Variants in INHBE observed in about 807,000 individuals in gnomAD.
INHBE encodes the protein inhibin beta E chain.
In INHBE, 19 loss-of-function variants were observed where a neutral mutation model predicts 27.8. That is an observed-to-expected ratio of 0.68 (90% CI 0.48 to 1.00). The LOEUF (loss-of-function observed/expected upper bound fraction) is 1.00, where lower values mean the gene tolerates loss of function less well. Among genes scored for constraint, INHBE ranks in the 50% least tolerant of loss-of-function variants. The pLI is 0.00. For missense variants in INHBE, 398 were observed against 433.9 expected, an observed-to-expected ratio of 0.92 and a Z score of 0.73; for synonymous variants, 196 against 187.2, an observed-to-expected ratio of 1.05 and a Z score of -0.38.
rs1354606524 is a variant in INHBE, at chr12:57,456,599, C to T, written c.804C>T (p.Pro268=). The stretch of plus-strand genomic sequence containing the variant: ...GATGGCGGGACTGGATACTGCAGCC[C>T]GAGGGGTACCAGCTGAATTACTGCA... The part of the protein sequence containing the change: ...ELGWRDWILQ[P]EGYQLNYCSG... The change falls in exon 2 of 2, where the codon CCC becomes CCT. Residue 268 remains proline, a synonymous_variant. Coordinates refer to ENST00000266646, the MANE Select transcript of INHBE (RefSeq NM_031479.5). The T allele has an allele frequency of 1.9e-6, 3 of 1,614,002 alleles. No homozygotes were observed. The highest frequency in any genetic ancestry group is 2.5e-6 in the Non-Finnish European group (3 of 1,180,010).
At position 57,456,912 on chromosome 12, in the gene INHBE, G is replaced by A. The variant is rs543618544; in HGVS notation, c.*64G>A. 17 of 1,512,996 alleles carry A rather than the reference G, an allele frequency of 1.1e-5. No homozygotes were observed. The East Asian group carries it at 3.9e-4, about 34-fold the overall frequency. The allele number at this position is 1,512,996 out of a possible 1,614,324, so 93.7% of individuals were successfully genotyped here. ...GAAGTTTCCCAGGCACAGGGCATCT[G>A]TGACTGGAGGCATCAGATTCCTGAT... On this transcript the variant is annotated 3_prime_UTR_variant, in exon 2 of 2. Coordinates refer to ENST00000266646, the MANE Select transcript of INHBE (RefSeq NM_031479.5).
intron 1 of INHBE, 87 bp from the exon 2 acceptor site, chr12:57,456,007 G>A: frequency 6.7e-7 from 1 of 1,489,674 alleles, no homozygotes; most frequent in Non-Finnish European, 9.1e-7. Flanking sequence ...TAGGTTCGAG[G>A]GAGAGCAGTG....
Position 57,455,456 on chromosome 12 carries a change from T to C in INHBE, c.-81T>C, listed in dbSNP as rs1870801713. ...AGTGGTGTCTGCTGTCACTGTGCCC[T>C]CATTGGCCCCCAGCAATCAGACTCA... On this transcript the variant is annotated 5_prime_UTR_variant, in exon 1 of 2. Coordinates refer to ENST00000266646, the MANE Select transcript of INHBE (RefSeq NM_031479.5). 2.1e-6 allele frequency: 3 copies of C among 1,404,980 alleles called. No homozygotes were observed. Among genetic ancestry groups the C allele is most frequent in the Non-Finnish European group, 2.9e-6 (3 of 1,028,070 alleles). 87.0% of individuals were successfully genotyped at this position (1,404,980 alleles called of 1,614,324 possible). A position where few individuals can be genotyped will look rare whatever the true frequency, so the allele number is the denominator to read the frequency against.
rs1870835949 is a variant in INHBE at position 57,456,481 on chromosome 12, G to C, written c.686G>C (p.Gly229Ala). The change falls in exon 2 of 2, where the codon GGA (glycine) becomes GCA (alanine). Residue 229 changes from glycine (G) to alanine (A), a missense_variant. By Grantham distance (60) the Gly-to-Ala change is moderately conservative. Transcript: ENST00000266646. Reference protein sequence around the residue: ...LELKIRANEPGAGRARRRTPT... With the variant: ...LELKIRANEPAAGRARRRTPT... ...CTTAAGATCCGAGCCAATGAGCCTG[G>C]AGCAGGCCGGGCCAGGAGGAGGACC... 1.9e-6 allele frequency: 3 copies of C among 1,614,158 alleles called. No individual in the cohort carries two copies. The highest frequency in any genetic ancestry group is 8.5e-7 in the Non-Finnish European group (1 of 1,180,032).
chr12:57,457,358 A>G lies in INHBE; in HGVS notation c.*510A>G. 6.5e-6 allele frequency: 1 copy of G among 154,222 alleles called. No individual in the cohort carries two copies. The highest frequency in any genetic ancestry group is 1.4e-5 in the Non-Finnish European group (1 of 69,430). The allele number at this position is 154,222 out of a possible 1,614,324, so 9.6% of individuals were successfully genotyped here. On this transcript the variant is annotated 3_prime_UTR_variant, in exon 2 of 2. Transcript: ENST00000266646. ...GGATGCTTAGGGGACCCCCAGAAAC[A>G]GGAGTCAGGAAAATGAGGCACTAAG... is the stretch of plus-strand genomic sequence containing the variant.
Position 57,455,717 on chromosome 12 carries a change from C to A in INHBE, c.181C>A (p.Pro61Thr), listed in dbSNP as rs1194825768. Residue 61 changes from proline to threonine, a missense_variant, in exon 1 of 2, where the codon CCC (proline) becomes ACC (threonine). Coordinates refer to ENST00000266646, the MANE Select transcript of INHBE (RefSeq NM_031479.5). ...GGATGGGTTGCACCTGACCAGTCGT[C>A]CCAGAATAACTCATCCTCCACCCCA... Reference protein sequence around the residue: ...ILDGLHLTSRPRITHPPPQAA... With the variant: ...ILDGLHLTSRTRITHPPPQAA... The A allele has an allele frequency of 2.5e-6, 4 of 1,614,040 alleles. No individual in the cohort carries two copies. The highest frequency in any genetic ancestry group is 3.4e-6 in the Non-Finnish European group (4 of 1,179,982).
rs748592832 is a variant in INHBE at position 57,455,534 on chromosome 12, A to G, written c.-3A>G. ...TCCTGAACCAGGGCCATTCACCAGG[A>G]GCATGCGGCTCCCTGATGTCCAGCT... On this transcript the variant is annotated 5_prime_UTR_variant, in exon 1 of 2. Transcript: ENST00000266646. 1.9e-6 allele frequency: 3 copies of G among 1,602,002 alleles called. No homozygotes were observed. The highest frequency in any genetic ancestry group is 1.1e-5 in the South Asian group (1 of 90,260).
Position 57,456,084 on chromosome 12 carries a change from T to A in INHBE, c.299-10T>A. ...TCACATTTTCTTTCCCTTTTCTGTC[T>A]TTCGGGCAGACTCCACTTCAGCCTA... On this transcript the variant is annotated splice_polypyrimidine_tract_variant and intron_variant, in intron 1 of 1. Coordinates refer to ENST00000266646, the MANE Select transcript of INHBE (RefSeq NM_031479.5). 6.3e-7 allele frequency: 1 copy of A among 1,599,842 alleles called. No homozygotes were observed. Among genetic ancestry groups the A allele is most frequent in the Non-Finnish European group, 8.5e-7 (1 of 1,171,398 alleles).
At position 57,455,650 on chromosome 12, in the gene INHBE, A is replaced by C. The variant is rs1330015298; in HGVS notation, c.114A>C (p.Ala38=). 1 of 1,614,130 alleles carries C rather than the reference A, an allele frequency of 6.2e-7. No individual in the cohort carries two copies. ...GGGGCTCCAAACTGGCACCCCAAGC[A>C]GAACGAGCTCTGGTGCTGGAGCTAG... The part of the protein sequence containing the change: ...SCGGSKLAPQ[A]ERALVLELAK... Residue 38 remains alanine (A), a synonymous_variant, in exon 1 of 2, where the codon GCA becomes GCC. Transcript: ENST00000266646.
chr12:57,455,563 G>A lies in INHBE; in HGVS notation c.27G>A (p.Trp9Ter), dbSNP rs760203466. 6.2e-7 allele frequency: 1 copy of A among 1,612,126 alleles called. No individual in the cohort carries two copies. Among genetic ancestry groups the A allele is most frequent in the Non-Finnish European group, 8.5e-7 (1 of 1,178,828 alleles). Residue 9 changes from tryptophan (W) to a stop codon, truncating the protein, a stop_gained, in exon 1 of 2, where the codon TGG becomes TGA. Coordinates refer to ENST00000266646, the MANE Select transcript of INHBE (RefSeq NM_031479.5). LOFTEE classifies it high-confidence loss of function. ...TGCGGCTCCCTGATGTCCAGCTCTGGCTGGTGCTGCTGTGGGCACTGGTGC... is the reference window on the plus strand; with the variant it reads ...TGCGGCTCCCTGATGTCCAGCTCTGACTGGTGCTGCTGTGGGCACTGGTGC... MRLPDVQL[W>*]LVLLWALVRA...
chr12:57,456,845 C>T lies in INHBE; in HGVS notation c.1050C>T (p.Ser350=), dbSNP rs1469406124. Residue 350 remains serine (S), a synonymous_variant, in exon 2 of 2, where the codon AGC becomes AGT. Coordinates refer to ENST00000266646, the MANE Select transcript of INHBE (RefSeq NM_031479.5). ...TGGTGGTGGAGGCCTGTGGCTGCAG[C>T]TAGCAAGAGGACCTGGGGCTTTGGA... ...PDMVVEACGC[S] is the part of the protein sequence containing the mutation. 8 of 1,611,936 alleles carry T rather than the reference C, an allele frequency of 5.0e-6. No homozygotes were observed. In the East Asian group the frequency reaches 1.8e-4, roughly 36 times the overall value.
In INHBE at chr12:57,456,752, C is replaced by G; in HGVS notation, c.957C>G (p.Ala319=). 6.2e-7 allele frequency: 1 copy of G among 1,614,216 alleles called. No individual in the cohort carries two copies. Among genetic ancestry groups the G allele is most frequent in the Non-Finnish European group, 8.5e-7 (1 of 1,180,044 alleles). ...PASTSCCVPT[A]RRPLSLLYLD... ...GTACCTCCTGTTGTGTCCCTACTGC[C>G]CGAAGGCCCCTCTCTCTCCTCTACC... Residue 319 remains alanine, a synonymous_variant, in exon 2 of 2, where the codon GCC becomes GCG. Transcript: ENST00000266646.
intron 1 of INHBE, 109 bp from the exon 2 acceptor site, chr12:57,455,985 C>G (rs507562): frequency 0.28 from 396,912 of 1,433,078 alleles, 59,385 homozygotes; most frequent in African/African-American, 0.5. Flanking sequence ...GCAGTCTCTA[C>G]TTTTCTAGAG....
rs1870798652 is a variant in INHBE, at chr12:57,455,318, A to G, written c.-219A>G. The G allele has an allele frequency of 1.7e-6, 1 of 579,554 alleles. No individual in the cohort carries two copies. The highest frequency in any genetic ancestry group is 3.0e-5 in the Admixed American group (1 of 33,134). The allele number at this position is 579,554 out of a possible 1,614,324, so 35.9% of individuals were successfully genotyped here. On this transcript the variant is annotated 5_prime_UTR_variant, in exon 1 of 2. An upstream start codon of the reference 5' UTR is lost. Transcript: ENST00000266646. Reference sequence around the variant, plus strand: ...AGAGGCCCCAGGTCAGTAGCCAGACATGAGCTGTGAGGGTCAAGCACAGCT... The same window carrying G: ...AGAGGCCCCAGGTCAGTAGCCAGACGTGAGCTGTGAGGGTCAAGCACAGCT...
intron 1 of INHBE, 97 bp from the exon 2 acceptor site, chr12:57,455,997 T>C (rs889395187): frequency 5.5e-6 from 8 of 1,454,042 alleles, no homozygotes; most frequent in South Asian, 3.9e-5. Flanking sequence ...TTTCTAGAGG[T>C]AGGTTCGAGG....
At chr12:57,455,870 C>T (rs1350670791) in intron 1 of INHBE, 36 bp downstream of exon 1, 2 of 1,591,668 alleles carry the variant, frequency 1.3e-6, no homozygotes, top group East Asian at 4.5e-5. Flanking sequence ...AAAGAGCAGA[C>T]AGGGAAAGGG....
At position 57,456,727 on chromosome 12, in the gene INHBE, G is replaced by C; in HGVS notation, c.932G>C (p.Ser311Thr). ...LLKANNPWPASTSCCVPTARR... is the reference protein window; with the variant it reads ...LLKANNPWPATTSCCVPTARR... ...AAAGCCAACAATCCTTGGCCTGCCA[G>C]TACCTCCTGTTGTGTCCCTACTGCC... Residue 311 changes from serine (S) to threonine (T), a missense_variant, in exon 2 of 2, where the codon AGT becomes ACT. Physicochemically the swap from Ser to Thr is moderately conservative, Grantham distance 58. Coordinates refer to ENST00000266646, the MANE Select transcript of INHBE (RefSeq NM_031479.5). The C allele has an allele frequency of 6.2e-7, 1 of 1,614,244 alleles. No homozygotes were observed. The highest frequency in any genetic ancestry group is 8.5e-7 in the Non-Finnish European group (1 of 1,180,048).
chr12:57,456,250 A>C lies in INHBE; in HGVS notation c.455A>C (p.Gln152Pro). ...IFRWGPRRRR[Q>P]GSRTLLAEHH... ...CGATGGGGACCAAGGAGGAGGCGCC[A>C]AGGGTCCCGCACTCTCCTGGCTGAG... is the stretch of plus-strand genomic sequence containing the variant. Residue 152 changes from glutamine to proline, a missense_variant, in exon 2 of 2, where the codon CAA becomes CCA. Gln to Pro is a moderately conservative substitution (Grantham distance 76). Transcript: ENST00000266646. The C allele has an allele frequency of 6.2e-7, 1 of 1,614,024 alleles. No homozygotes were observed. Among genetic ancestry groups the C allele is most frequent in the Non-Finnish European group, 8.5e-7 (1 of 1,180,012 alleles).
In INHBE at chr12:57,455,815, C is replaced by A. The variant is rs765994943; in HGVS notation, c.279C>A (p.Ile93=). The A allele has an allele frequency of 6.4e-5, 104 of 1,613,834 alleles. No individual in the cohort carries two copies. Among genetic ancestry groups the A allele is most frequent in the Non-Finnish European group, 8.5e-5 (100 of 1,179,950 alleles). The change falls in exon 1 of 2, where the codon ATC becomes ATA. Residue 93 remains isoleucine, a synonymous_variant. Coordinates refer to ENST00000266646, the MANE Select transcript of INHBE (RefSeq NM_031479.5). Reference sequence around the variant, plus strand: ...CTCCAGGGAATGGGGAGGAGGTCATCAGCTTTGCTACTGTCACAGGTGGGT... The same window carrying A: ...CTCCAGGGAATGGGGAGGAGGTCATAAGCTTTGCTACTGTCACAGGTGGGT... The part of the protein sequence containing the change: ...SVAPGNGEEV[I]SFATVTDSTS...
Sources: allele counts gnomAD v4.1 joint callset, GRCh38; gene constraint gnomAD v4.1.1; transcripts MANE v1.5; gene names NCBI Gene and HGNC (gene_info 2026-07-23, HGNC 2026-07-21).